Variants in SLC2A12 observed in about 807,000 individuals in gnomAD.
SLC2A12 encodes solute carrier family 2 member 12.
In SLC2A12, 23 loss-of-function variants were observed where a neutral mutation model predicts 41.8. The observed-to-expected ratio is 0.55, with a 90% CI of 0.40 to 0.78. The LOEUF is 0.78. Ranked by LOEUF, SLC2A12 falls within the 30% of genes least tolerant of loss-of-function variation. The probability of loss-of-function intolerance (pLI) is 0.00; values close to 1 mark genes in which losing one functional copy is unlikely to be tolerated. For synonymous variants in SLC2A12, 295 were observed against 285.9 expected, an observed-to-expected ratio of 1.03 and a Z score of -0.32; for missense variants, 654 against 745.6, an observed-to-expected ratio of 0.88 and a Z score of 1.43.
intron 2 of SLC2A12, among the ~76,000 whole-genome samples, chr6:134,019,653 G>T (rs1343285963): frequency 1.3e-5 from 2 of 152,128 alleles, no homozygotes; most frequent in Non-Finnish European, 2.9e-5. Flanking sequence ...AGCCTCTCTG[G>T]GGCCATGAAC....
intron 1 of SLC2A12, among the ~76,000 whole-genome samples, chr6:134,045,049 T>C (rs965756303): frequency 2.0e-5 from 3 of 152,180 alleles, no homozygotes; most frequent in African/African-American, 7.2e-5. Context: ...TGATCCCTCA[T>C]GTGTAGGCTG....
chr6:133,991,101 A>G lies in SLC2A12; in HGVS notation c.*54T>C. 1 of 1,560,122 alleles carries G rather than the reference A, an allele frequency of 6.4e-7. No homozygotes were observed. The highest frequency in any genetic ancestry group is 8.6e-7 in the Non-Finnish European group (1 of 1,156,448). On this transcript the variant is annotated 3_prime_UTR_variant, in exon 5 of 5. Transcript: ENST00000275230. ...GAGTCGCAACTATGCATTGGTCCAA[A>G]GACACCCTCCTAAGTGTTCTGGCAC...
intron 2 of SLC2A12, among the ~76,000 whole-genome samples, chr6:134,023,646 A>C (rs1008243290): frequency 6.6e-6 from 1 of 152,238 alleles, no homozygotes; most frequent in Admixed American, 6.5e-5. Context: ...GCATTAGCAA[A>C]TGTGTTTTTC....
intron 2 of SLC2A12, among the ~76,000 whole-genome samples, chr6:134,015,946 T>C (rs369376685): frequency 3.3e-5 from 5 of 152,234 alleles, no homozygotes; most frequent in Non-Finnish European, 7.3e-5. Context: ...TTCAGCTCCA[T>C]AAAACCAAAC....
intron 2 of SLC2A12, among the ~76,000 whole-genome samples, chr6:134,016,419 G>C (rs1466753076): frequency 6.6e-6 from 1 of 152,052 alleles, no homozygotes; most frequent in Non-Finnish European, 1.5e-5. Context: ...TTATGTGCAG[G>C]TGTCATCTGG....
In SLC2A12 at chr6:134,001,982, G is replaced by T. The variant is rs760553021; in HGVS notation, c.1700+15C>A. The stretch of plus-strand genomic sequence containing the variant: ...CAAAGAGTATTGTTCAGAAACCAAT[G>T]CATGTAATACTTACACTTTTGCTAG... On this transcript the variant is annotated intron_variant, in intron 4 of 4. Transcript: ENST00000275230. 3 of 1,606,124 alleles carry T rather than the reference G, an allele frequency of 1.9e-6. No homozygotes were observed. The East Asian group carries it at 6.8e-5, about 36-fold the overall frequency.
intron 1 of SLC2A12, among the ~76,000 whole-genome samples, chr6:134,046,670 G>A (rs1390244120): frequency 6.6e-6 from 1 of 152,030 alleles, no homozygotes; most frequent in Non-Finnish European, 1.5e-5. Flanking sequence ...AATTAGCCGG[G>A]TGTGGTGGTG....
chr6:134,016,066 T>G (rs867722191), intron 2 of SLC2A12, among the ~76,000 whole-genome samples: 3 of 152,250 alleles, frequency 2.0e-5, no homozygotes, highest in Non-Finnish European at 2.9e-5. Context: ...TGGGAGCCAG[T>G]TCTCCGTAGG....
chr6:134,045,102 G>A (rs1215682740), intron 1 of SLC2A12, among the ~76,000 whole-genome samples: 1 of 152,190 alleles, frequency 6.6e-6, no homozygotes, highest in Non-Finnish European at 1.5e-5. Context: ...ATTATGAATT[G>A]CACAGAACTT....
intron 1 of SLC2A12, among the ~76,000 whole-genome samples, chr6:134,051,423 CATT>C (rs752684209): frequency 4.9e-4 from 75 of 152,202 alleles, no homozygotes; most frequent in Admixed American, 6.5e-4. Context: ...TCTTTTGTAT[CATT>C]TAGTGTATTG....
intron 4 of SLC2A12, among the ~76,000 whole-genome samples, chr6:134,001,225 T>C (rs977712124): frequency 6.6e-6 from 1 of 152,150 alleles, no homozygotes; most frequent in Non-Finnish European, 1.5e-5. Flanking sequence ...GCTCCGGTGA[T>C]GGGTGCACCA....
At chr6:134,052,321 G>A in intron 1 of SLC2A12, 57 bp downstream of exon 1, 2 of 1,228,006 alleles carry the variant, frequency 1.6e-6, no homozygotes, top group African/African-American at 1.5e-5. Context: ...AGTACACTCG[G>A]GAGATGAGTA....
chr6:134,003,257 T>G (rs891860038), intron 3 of SLC2A12, among the ~76,000 whole-genome samples: 3 of 152,232 alleles, frequency 2.0e-5, no homozygotes, highest in Non-Finnish European at 4.4e-5. Flanking sequence ...ATTAAACTCC[T>G]GTCTCTCTCT....
chr6:133,992,299 A>G (rs1038359818), intron 4 of SLC2A12, among the ~76,000 whole-genome samples: 6 of 152,180 alleles, frequency 3.9e-5, no homozygotes, highest in African/African-American at 1.2e-4. Context: ...GGTAGGTTAG[A>G]AGATCTTGTG....
chr6:134,028,334 A>G, intron 2 of SLC2A12, 47 bp downstream of exon 2: 2 of 1,542,756 alleles, frequency 1.3e-6, no homozygotes, highest in Non-Finnish European at 1.7e-6. Flanking sequence ...TAGCAGTAGG[A>G]TGCTCTGACT....
At position 134,029,507 on chromosome 6, in the gene SLC2A12, T is replaced by C; in HGVS notation, c.318A>G (p.Arg106=). ...AGGATGACAAGATGATTGCTGTCCT[T>C]CTTCCATATCTGTCTATCAGGACCC... ...TGGVLIDRYG[R]RTAIILSSCL... is the part of the protein sequence containing the mutation. Residue 106 remains arginine, a synonymous_variant, in exon 2 of 5, where the codon AGA becomes AGG. Transcript: ENST00000275230. The C allele has an allele frequency of 1.2e-6, 2 of 1,614,166 alleles. No individual in the cohort carries two copies. The highest frequency in any genetic ancestry group is 1.7e-6 in the Non-Finnish European group (2 of 1,180,022).
intron 3 of SLC2A12, among the ~76,000 whole-genome samples, chr6:134,002,570 AT>A (rs1490486201): frequency 2.0e-5 from 3 of 152,048 alleles, no homozygotes; most frequent in East Asian, 3.9e-4. Context: ...TCGGTGGACA[AT>A]TTTTTCCCCC....
At chr6:133,995,783 A>G (rs537499051) in intron 4 of SLC2A12, among the ~76,000 whole-genome samples, 9 of 152,116 alleles carry the variant, frequency 5.9e-5, no homozygotes, top group Admixed American at 1.3e-4. Context: ...AATGAAACCA[A>G]ACTCTTCACT....
chr6:134,017,192 A>C (rs1476871562), intron 2 of SLC2A12, among the ~76,000 whole-genome samples: 2 of 152,170 alleles, frequency 1.3e-5, no homozygotes, highest in African/African-American at 4.8e-5. Context: ...AAAACATGAA[A>C]CTTTTTCAGT....
Sources: gnomAD v4.1 joint callset for allele counts (sites outside exome capture counted in the v4.1 genomes callset) on GRCh38, gnomAD v4.1.1 for gene constraint, MANE v1.5 for transcripts, NCBI Gene and HGNC (gene_info 2026-07-23, HGNC 2026-07-21) for gene names.